The following PXK variants were observed in gnomAD, a reference collection of about 807,000 sequenced individuals.
PXK encodes the protein PX domain containing serine/threonine kinase like, also known as PX domain-containing protein kinase-like protein.
A neutral mutation model predicts 84.7 loss-of-function variants in PXK; 35 were observed. That is an observed-to-expected ratio of 0.41 (90% CI 0.32 to 0.55). PXK has a LOEUF of 0.55. Among genes scored for constraint, PXK ranks in the 20% least tolerant of loss-of-function variants. The probability of loss-of-function intolerance (pLI) is 0.21; values close to 1 mark genes in which losing one functional copy is unlikely to be tolerated. For synonymous variants in PXK, 253 were observed against 260.8 expected (o/e 0.97, Z 0.29); for missense variants, 634 against 699.7 (o/e 0.91, Z 1.06).
rs1200690184 is a variant in PXK at position 58,383,754 on chromosome 3, A to G, written c.388+1054A>G. ...ACCATTGTTTCACCTGATTTGTTTA[A>G]AGAGAAACCATGCTTTAGAGACTTT... On this transcript the variant is annotated intron_variant, in intron 4 of 17. Coordinates refer to ENST00000356151, the MANE Select transcript of PXK (RefSeq NM_017771.5). The surrounding 1 kb of genome is among the most constrained non-coding windows in gnomAD (Gnocchi z 4.0). Among the ~76,000 whole-genome samples the G allele has an allele frequency of 6.6e-6, 1 of 152,240 alleles. No homozygotes were observed. Among genetic ancestry groups the G allele is most frequent in the Non-Finnish European group, 1.5e-5 (1 of 68,038 alleles).
At chr3:58,387,158 T>C (rs7653734) in intron 4 of PXK, among the ~76,000 whole-genome samples, 99,655 of 152,038 alleles carry the variant, frequency 0.66, 33,381 homozygotes, top group East Asian at 0.81. Context: ...CTGTGGGAAG[T>C]ACAGGATGGA....
chr3:58,369,024 C>T (rs1362627630), intron 2 of PXK, among the ~76,000 whole-genome samples: 2 of 152,146 alleles, frequency 1.3e-5, no homozygotes, highest in East Asian at 3.9e-4. Flanking sequence ...TGACCCAGGA[C>T]AAAGGTGAAA....
intron 1 of PXK, among the ~76,000 whole-genome samples, chr3:58,341,833 A>G (rs2097738010): frequency 6.6e-6 from 1 of 151,410 alleles, no homozygotes; most frequent in South Asian, 2.1e-4. Context: ...CCTCCTGCGT[A>G]GCTGGGACTA....
intron 3 of PXK, among the ~76,000 whole-genome samples, chr3:58,374,581 AG>A (rs1440910533): frequency 6.6e-6 from 1 of 152,140 alleles, no homozygotes. Context: ...GGGAATCCAT[AG>A]GGCATGTTAA....
At chr3:58,372,512 C>T (rs1208808908) in intron 3 of PXK, among the ~76,000 whole-genome samples, 3 of 151,274 alleles carry the variant, frequency 2.0e-5, no homozygotes, top group Admixed American at 6.6e-5. Context: ...TTAGTAGAGA[C>T]GGGGTTTCAC....
At position 58,425,705 on chromosome 3, in the gene PXK, T is replaced by C. The variant is rs1386184828; in HGVS notation, c.*745T>C. 1.3e-5 allele frequency: 2 copies of C among 152,106 alleles called. No homozygotes were observed. The highest frequency in any genetic ancestry group is 2.9e-5 in the Non-Finnish European group (2 of 68,018). 9.4% of individuals were successfully genotyped at this position (152,106 alleles called of 1,614,324 possible). A position where few individuals can be genotyped will look rare whatever the true frequency, so the allele number is the denominator to read the frequency against. On this transcript the variant is annotated 3_prime_UTR_variant, in exon 18 of 18. Transcript: ENST00000356151. ...ATCTTCTTAATCCTCAGCAATTAAG[T>C]TTGGGGTTTGAGGGGGGCAGGTCAT...
chr3:58,382,365 A>T (rs1331917199), intron 3 of PXK, 149 bp from the exon 4 acceptor site: 2 of 583,204 alleles, frequency 3.4e-6, no homozygotes, highest in African/African-American at 1.9e-5. Flanking sequence ...TTCTAAATGC[A>T]GTTTTTCACA....
rs201623889 is a variant in PXK, at chr3:58,382,687, C to T, written c.375C>T (p.Ser125=). ...AGTTTTTAGATCCAAACAACTATTC[C>T]GCAAACTATACTGGTAAGCGAAGGA... is the stretch of plus-strand genomic sequence containing the variant. ...VKKFLDPNNY[S]ANYTEIALQQ... The change falls in exon 4 of 18, where the codon TCC becomes TCT. Residue 125 remains serine (S), a synonymous_variant. Coordinates refer to ENST00000356151, the MANE Select transcript of PXK (RefSeq NM_017771.5). 8 of 1,572,180 alleles carry T rather than the reference C, an allele frequency of 5.1e-6. No homozygotes were observed. Among genetic ancestry groups the T allele is most frequent in the East Asian group, 2.3e-5 (1 of 42,940 alleles).
chr3:58,352,928 G>T (rs2097964034), intron 1 of PXK, among the ~76,000 whole-genome samples: 1 of 152,120 alleles, frequency 6.6e-6, no homozygotes, highest in South Asian at 2.1e-4. Context: ...TCACTGCAGG[G>T]ATCAAAGCGT....
At chr3:58,358,427 C>T (rs959520759) in intron 1 of PXK, among the ~76,000 whole-genome samples, 1 of 152,182 alleles carries the variant, frequency 6.6e-6, no homozygotes, top group South Asian at 2.1e-4. Context: ...TAAGCGCACC[C>T]TGTAGGTAGA....
chr3:58,422,512 C>A, intron 17 of PXK: 5 of 985,380 alleles, frequency 5.1e-6, no homozygotes, highest in Non-Finnish European at 6.0e-6. Context: ...TTTATTGACA[C>A]CACCTACATT....
chr3:58,353,092 A>G (rs180930279), intron 1 of PXK, among the ~76,000 whole-genome samples: 2,146 of 151,066 alleles, frequency 0.014, 62 homozygotes, highest in African/African-American at 0.049. Flanking sequence ...CGCCTCCCGG[A>G]TTCACGCCGT....
intron 17 of PXK, chr3:58,423,537 C>A: frequency 6.5e-7 from 1 of 1,535,338 alleles, no homozygotes; most frequent in Non-Finnish European, 8.7e-7. Context: ...ATACCTGTCA[C>A]ACTTGGTGAA....
At chr3:58,353,714 G>A (rs1229041982) in intron 1 of PXK, among the ~76,000 whole-genome samples, 1 of 152,232 alleles carries the variant, frequency 6.6e-6, no homozygotes, top group African/African-American at 2.4e-5. Flanking sequence ...GCCTATGGCT[G>A]CAGCTGTTGT....
At chr3:58,368,054 C>G (rs9860970) in intron 2 of PXK, among the ~76,000 whole-genome samples, 1 of 152,024 alleles carries the variant, frequency 6.6e-6, no homozygotes, top group Non-Finnish European at 1.5e-5. Context: ...CCAGACTGGT[C>G]TTTAACTCCT....
chr3:58,353,865 TAGA>T (rs2098001526), intron 1 of PXK, among the ~76,000 whole-genome samples: 1 of 152,150 alleles, frequency 6.6e-6, no homozygotes, highest in South Asian at 2.1e-4. Flanking sequence ...GGTCAGGTGG[TAGA>T]AGAATTTGGA....
At chr3:58,357,655 T>C (rs951634521) in intron 1 of PXK, among the ~76,000 whole-genome samples, 9 of 152,150 alleles carry the variant, frequency 5.9e-5, no homozygotes, top group African/African-American at 2.2e-4. Flanking sequence ...ATAATCTTAT[T>C]AGACCTTGGC....
At chr3:58,356,425 C>A (rs1454620991) in intron 1 of PXK, among the ~76,000 whole-genome samples, 1 of 152,096 alleles carries the variant, frequency 6.6e-6, no homozygotes, top group African/African-American at 2.4e-5. Context: ...CGATCCTGTT[C>A]CACATCGGAG....
At chr3:58,339,877 C>T (rs1381707853) in intron 1 of PXK, among the ~76,000 whole-genome samples, 3 of 151,608 alleles carry the variant, frequency 2.0e-5, no homozygotes, top group South Asian at 2.1e-4. Context: ...TGCAATGGCG[C>T]GATCTCGGCT....
Sources: allele counts gnomAD v4.1 joint callset (sites outside exome capture counted in the v4.1 genomes callset), GRCh38; gene constraint gnomAD v4.1.1; non-coding constraint Gnocchi (gnomAD v3.1); transcripts MANE v1.5; gene names NCBI Gene and HGNC (gene_info 2026-07-23, HGNC 2026-07-21).